Variants in CHST8 observed in about 807,000 individuals in gnomAD.
CHST8 encodes carbohydrate sulfotransferase 8.
CHST8 carries 10 observed loss-of-function variants against 15.0 expected under a neutral mutation model. The observed-to-expected ratio is 0.67, with a 90% CI of 0.41 to 1.13. CHST8 has a LOEUF of 1.13. Among genes scored for constraint, CHST8 ranks in the 50% most tolerant of loss-of-function variants. The probability of loss-of-function intolerance (pLI) is 0.00; values close to 1 mark genes in which losing one functional copy is unlikely to be tolerated. For missense variants in CHST8, 634 were observed against 608.2 expected, an observed-to-expected ratio of 1.04 and a Z score of -0.45; for synonymous variants, 259 against 256.6, an observed-to-expected ratio of 1.01 and a Z score of -0.09.
intron 3 of CHST8, among the ~76,000 whole-genome samples, chr19:33,714,763 A>C (rs1389487203): frequency 1.3e-5 from 2 of 152,294 alleles, no homozygotes; most frequent in East Asian, 3.9e-4. Context: ...TGGTTTTGAA[A>C]AGGGGAATTT....
intron 3 of CHST8, among the ~76,000 whole-genome samples, chr19:33,746,603 G>A (rs1974316957): frequency 6.6e-6 from 1 of 152,194 alleles, no homozygotes; most frequent in East Asian, 1.9e-4. Flanking sequence ...CCTGTTGATG[G>A]GCATGTTCTT....
chr19:33,680,478 T>C (rs889390736), intron 2 of CHST8, among the ~76,000 whole-genome samples: 1 of 152,216 alleles, frequency 6.6e-6, no homozygotes, highest in African/African-American at 2.4e-5. Context: ...AAGTTCATTA[T>C]CCATGGATCA....
Position 33,677,158 on chromosome 19 carries a change from CA to C in CHST8, c.-87+9316del, listed in dbSNP as rs200318554. 3.1e-3 allele frequency among the ~76,000 whole-genome samples: 409 copies of C among 132,074 alleles called. 1 individual carries two copies. The highest frequency in any genetic ancestry group is 0.01 in the African/African-American group (301 of 29,720). 86.6% of individuals were successfully genotyped at this position (132,074 alleles called of 152,430 possible). A position where few individuals can be genotyped will look rare whatever the true frequency, so the allele number is the denominator to read the frequency against. On this transcript the variant is annotated intron_variant, in intron 2 of 4. Coordinates refer to ENST00000650847, the MANE Select transcript of CHST8 (RefSeq NM_001127895.2). Reference sequence around the variant, plus strand: ...AGCAACCCCTTGTGTGATCAGCCGGCAGGGGGGGGCACTGGGGCATGAGTGT... The same window carrying C: ...AGCAACCCCTTGTGTGATCAGCCGGCGGGGGGGGCACTGGGGCATGAGTGT...
chr19:33,738,672 C>T (rs1455362821), intron 3 of CHST8, among the ~76,000 whole-genome samples: 2 of 152,162 alleles, frequency 1.3e-5, no homozygotes, highest in South Asian at 2.1e-4. Flanking sequence ...TCACTGCAAC[C>T]TCCGCCTCCA....
intron 3 of CHST8, among the ~76,000 whole-genome samples, chr19:33,735,331 C>T (rs560414474): frequency 1.9e-4 from 29 of 152,356 alleles, no homozygotes; most frequent in African/African-American, 6.7e-4. Flanking sequence ...CAGGAGGAAA[C>T]TCACAGATTG....
In CHST8 at chr19:33,772,720, T is replaced by C; in HGVS notation, c.932T>C (p.Phe311Ser). 6.2e-7 allele frequency: 1 copy of C among 1,613,326 alleles called. No individual in the cohort carries two copies. The highest frequency in any genetic ancestry group is 8.5e-7 in the Non-Finnish European group (1 of 1,179,938). Residue 311 changes from phenylalanine to serine, a missense_variant, in exon 5 of 5, where the codon TTC becomes TCC. Phe to Ser is a radical substitution (Grantham distance 155). Transcript: ENST00000650847. The stretch of plus-strand genomic sequence containing the variant: ...GGCTCTGGGGTGCGTTTTCCCGAGT[T>C]CGTCCAGTACCTGCTGGACGTGCAC... ...RTGSGVRFPE[F>S]VQYLLDVHRP...
intron 3 of CHST8, among the ~76,000 whole-genome samples, chr19:33,729,621 GA>G (rs1259640022): frequency 6.6e-6 from 1 of 152,186 alleles, no homozygotes; most frequent in Non-Finnish European, 1.5e-5. Context: ...CTTTCATAGG[GA>G]AATTGTAACC....
At position 33,682,178 on chromosome 19, in the gene CHST8, TTTG is replaced by T. The variant is rs1454992280; in HGVS notation, c.-86-6989_-86-6987del. 8.4e-4 allele frequency among the ~76,000 whole-genome samples: 123 copies of T among 147,206 alleles called. 3 individuals are homozygous for T. Among genetic ancestry groups the T allele is most frequent in the Middle Eastern group, 3.5e-3 (1 of 284 alleles). ...GTGTGTGTGTGTGTGTGTTGTGGTT[TTTG>T]TTGTTGTTTTTTTTTTTTTTTTTTT... On this transcript the variant is annotated intron_variant, in intron 2 of 4. Transcript: ENST00000650847.
At chr19:33,654,864 C>A (rs1432437197) in intron 1 of CHST8, among the ~76,000 whole-genome samples, 2 of 152,100 alleles carry the variant, frequency 1.3e-5, no homozygotes, top group Non-Finnish European at 2.9e-5. Context: ...TAGGGTCTGC[C>A]ATCTGTGTTC....
chr19:33,699,855 C>T (rs540541373), intron 3 of CHST8, among the ~76,000 whole-genome samples: 1 of 152,240 alleles, frequency 6.6e-6, no homozygotes, highest in South Asian at 2.1e-4. Context: ...TGAGTGTGTC[C>T]CCCTGGAGCT....
intron 2 of CHST8, among the ~76,000 whole-genome samples, chr19:33,677,232 G>A (rs1478840259): frequency 6.6e-6 from 1 of 152,126 alleles, no homozygotes; most frequent in Admixed American, 6.5e-5. Flanking sequence ...CCAGTTAGCC[G>A]AGTGCTGCCC....
chr19:33,734,782 G>A (rs1324490750), intron 3 of CHST8, among the ~76,000 whole-genome samples: 1 of 152,188 alleles, frequency 6.6e-6, no homozygotes, highest in Non-Finnish European at 1.5e-5. Context: ...CACCCTGGGA[G>A]CACTGACTTC....
chr19:33,684,431 CTG>C (rs915688324), intron 2 of CHST8: 7 of 152,370 alleles, frequency 4.6e-5, no homozygotes, highest in African/African-American at 1.7e-4. Context: ...AGGAGGCAGC[CTG>C]AGAGTCGGCA....
chr19:33,682,253 C>T (rs1372556066), intron 2 of CHST8, among the ~76,000 whole-genome samples: 5 of 134,348 alleles, frequency 3.7e-5, no homozygotes, highest in African/African-American at 5.8e-5. Context: ...AGTGCAGTGG[C>T]GTGATCTCGG....
chr19:33,633,135 GT>G (rs888583869), intron 1 of CHST8, among the ~76,000 whole-genome samples: 2 of 152,098 alleles, frequency 1.3e-5, no homozygotes, highest in Non-Finnish European at 2.9e-5. Context: ...CTGGCCCCTT[GT>G]TTTTAAACTT....
At chr19:33,702,891 G>C (rs982898487) in intron 3 of CHST8, among the ~76,000 whole-genome samples, 9 of 152,330 alleles carry the variant, frequency 5.9e-5, no homozygotes, top group African/African-American at 2.2e-4. Context: ...GGAGTGCTGG[G>C]ACTGCTCCGA....
At chr19:33,768,433 A>AT (rs955765729) in intron 3 of CHST8, among the ~76,000 whole-genome samples, 8 of 151,734 alleles carry the variant, frequency 5.3e-5, no homozygotes, top group Admixed American at 2.6e-4. Context: ...ATAAATGTAA[A>AT]TTTTTTTTCT....
At chr19:33,643,984 G>A (rs941719376) in intron 1 of CHST8, among the ~76,000 whole-genome samples, 1 of 152,088 alleles carries the variant, frequency 6.6e-6, no homozygotes, top group African/African-American at 2.4e-5. Flanking sequence ...CCAGGCTGGA[G>A]TGCAGTGGCT....
At chr19:33,761,793 A>G (rs1451073296) in intron 3 of CHST8, among the ~76,000 whole-genome samples, 1 of 152,096 alleles carries the variant, frequency 6.6e-6, no homozygotes, top group Admixed American at 6.5e-5. Flanking sequence ...AGCCATGACC[A>G]CGGCACTCCA....
Sources: gnomAD v4.1 joint callset for allele counts (sites outside exome capture counted in the v4.1 genomes callset) on GRCh38, gnomAD v4.1.1 for gene constraint, MANE v1.5 for transcripts, NCBI Gene and HGNC (gene_info 2026-07-23, HGNC 2026-07-21) for gene names.